Variants in TTC7B observed in about 807,000 individuals in gnomAD.
TTC7B encodes the protein tetratricopeptide repeat domain 7B.
Under a neutral mutation model 106.8 loss-of-function variants are expected in TTC7B, and 28 were observed. The ratio of observed to expected loss-of-function variants is 0.26; its 90% CI spans 0.19 to 0.36. The LOEUF is 0.36. Among genes scored for constraint, TTC7B ranks in the 10% least tolerant of loss-of-function variants. The probability of loss-of-function intolerance (pLI) is 1.00; values close to 1 mark genes in which losing one functional copy is unlikely to be tolerated. For synonymous variants in TTC7B, 405 were observed against 430.6 expected, an observed-to-expected ratio of 0.94 and a Z score of 0.74; for missense variants, 862 against 1,076.4, an observed-to-expected ratio of 0.80 and a Z score of 2.79.
intron 15 of TTC7B, among the ~76,000 whole-genome samples, chr14:90,625,617 G>A (rs1884405834): frequency 6.6e-6 from 1 of 152,218 alleles, no homozygotes; most frequent in South Asian, 2.1e-4. Context: ...TGGGATGACA[G>A]CTGTGCACGT....
At chr14:90,798,034 C>T (rs1382278339) in intron 1 of TTC7B, among the ~76,000 whole-genome samples, 1 of 152,168 alleles carries the variant, frequency 6.6e-6, no homozygotes, top group East Asian at 1.9e-4. Flanking sequence ...ACTGATGGAA[C>T]AGTGGAAATG....
At chr14:90,810,939 C>T (rs776207786) in intron 1 of TTC7B, among the ~76,000 whole-genome samples, 6 of 152,130 alleles carry the variant, frequency 3.9e-5, no homozygotes, top group East Asian at 3.9e-4. Flanking sequence ...CCAAAGTAGC[C>T]GAGGGAAGTC....
At chr14:90,708,467 T>C (rs1329289315) in intron 5 of TTC7B, among the ~76,000 whole-genome samples, 1 of 152,146 alleles carries the variant, frequency 6.6e-6, no homozygotes, top group East Asian at 1.9e-4. Context: ...CCTTAAGAAT[T>C]ATGCTAAATT....
chr14:90,676,022 C>T (rs1210777706), intron 9 of TTC7B: 1 of 152,450 alleles, frequency 6.6e-6, no homozygotes, highest in Non-Finnish European at 1.5e-5. Context: ...CAGTACCTTG[C>T]ACAAGATCTG....
intron 4 of TTC7B, among the ~76,000 whole-genome samples, chr14:90,731,141 G>A (rs1438700428): frequency 6.6e-6 from 1 of 151,670 alleles, no homozygotes; most frequent in Non-Finnish European, 1.5e-5. Flanking sequence ...TAGTAGAGAC[G>A]GGGGTTTCAC....
chr14:90,658,998 G>A (rs557707314), intron 9 of TTC7B, among the ~76,000 whole-genome samples: 3 of 152,272 alleles, frequency 2.0e-5, no homozygotes, highest in African/African-American at 4.8e-5. Flanking sequence ...GGGTGAGGTG[G>A]AAGACCCTGA....
At chr14:90,729,920 A>G (rs1204525463) in intron 5 of TTC7B, among the ~76,000 whole-genome samples, 155 bp downstream of exon 5, 3 of 138,704 alleles carry the variant, frequency 2.2e-5, no homozygotes, top group Non-Finnish European at 4.6e-5. Flanking sequence ...AGAGACAAAA[A>G]CAGCCAATGT....
intron 15 of TTC7B, among the ~76,000 whole-genome samples, chr14:90,630,767 A>T (rs185896970): frequency 5.6e-4 from 85 of 151,982 alleles, no homozygotes; most frequent in African/African-American, 2.0e-3. Context: ...GGCTTATTGC[A>T]CTTAGCATAA....
chr14:90,777,249 A>T (rs1268612744), intron 3 of TTC7B, among the ~76,000 whole-genome samples: 2 of 151,374 alleles, frequency 1.3e-5, no homozygotes, highest in African/African-American at 4.9e-5. Context: ...TTTTATTTTT[A>T]TTTTTTTTTA....
intron 3 of TTC7B, among the ~76,000 whole-genome samples, chr14:90,745,297 C>CAAAAAA (rs71461925): frequency 2.8e-5 from 3 of 108,750 alleles, no homozygotes; most frequent in Non-Finnish European, 3.9e-5. Flanking sequence ...CCCTGTCTCC[C>CAAAAAA]AAAAAAAAAA....
chr14:90,799,496 T>C (rs80172063), intron 1 of TTC7B, among the ~76,000 whole-genome samples: 2,540 of 152,264 alleles, frequency 0.017, 29 homozygotes, highest in African/African-American at 0.03. Flanking sequence ...CTGGGGCTAC[T>C]GTGGACTAGG....
rs182964578 is a variant in TTC7B at position 90,676,456 on chromosome 14, G to A, written c.1152+67C>T. On this transcript the variant is annotated intron_variant, in intron 9 of 19. Transcript: ENST00000328459. ...GGGGCCCAGGACCAGGTCTCACAGCGCTTCCCTGGGGTCACCGTGCAACTG... is the reference window on the plus strand; with the variant it reads ...GGGGCCCAGGACCAGGTCTCACAGCACTTCCCTGGGGTCACCGTGCAACTG... The A allele has an allele frequency of 9.7e-4, 1,521 of 1,562,030 alleles. 8 individuals are homozygous for A. Among genetic ancestry groups the A allele is most frequent in the Admixed American group, 2.9e-3 (169 of 57,366 alleles).
chr14:90,531,148 G>A lies in TTC7B; in HGVS notation c.*10220C>T, dbSNP rs1207025991. ...TAACTTAAAAAAGAAAGAAAAAATT[G>A]TATGCTGTTTTAAGCCACTATATTT... is the stretch of plus-strand genomic sequence containing the variant. On this transcript the variant is annotated 3_prime_UTR_variant, in exon 20 of 20. Transcript: ENST00000328459. 6.6e-6 allele frequency: 1 copy of A among 152,184 alleles called. No homozygotes were observed. The highest frequency in any genetic ancestry group is 1.5e-5 in the Non-Finnish European group (1 of 68,032). The allele number at this position is 152,184 out of a possible 1,614,324, so 9.4% of individuals were successfully genotyped here.
intron 3 of TTC7B, among the ~76,000 whole-genome samples, chr14:90,775,623 T>C (rs950445499): frequency 3.3e-5 from 5 of 152,120 alleles, no homozygotes; most frequent in African/African-American, 1.2e-4. Flanking sequence ...CTCCTCCACC[T>C]GGGCACAGAG....
intron 19 of TTC7B, among the ~76,000 whole-genome samples, chr14:90,547,950 A>T (rs892302549): frequency 6.6e-6 from 1 of 152,228 alleles, no homozygotes; most frequent in African/African-American, 2.4e-5. Context: ...CTTCCCAAGG[A>T]GAAGCCATTG....
intron 5 of TTC7B, among the ~76,000 whole-genome samples, chr14:90,717,623 C>T (rs946046112): frequency 6.6e-6 from 1 of 152,140 alleles, no homozygotes; most frequent in Non-Finnish European, 1.5e-5. Flanking sequence ...CTGCAATTTT[C>T]TCTAACAGTT....
At chr14:90,788,683 G>T (rs1891473379) in intron 1 of TTC7B, among the ~76,000 whole-genome samples, 1 of 151,998 alleles carries the variant, frequency 6.6e-6, no homozygotes. Flanking sequence ...AATTCCTTTA[G>T]GCAGGGCGCA....
At chr14:90,715,444 C>G (rs1349520514) in intron 5 of TTC7B, among the ~76,000 whole-genome samples, 1 of 148,446 alleles carries the variant, frequency 6.7e-6, no homozygotes. Context: ...GAGCTGGAAA[C>G]CCTCTACTCT....
intron 19 of TTC7B, among the ~76,000 whole-genome samples, chr14:90,557,948 C>T (rs559807233): frequency 2.0e-4 from 31 of 152,364 alleles, no homozygotes; most frequent in South Asian, 2.1e-4. Context: ...GACAGGCGCT[C>T]ATCGCTGCAT....
Sources: allele counts gnomAD v4.1 joint callset (sites outside exome capture counted in the v4.1 genomes callset), GRCh38; gene constraint gnomAD v4.1.1; transcripts MANE v1.5; gene names NCBI Gene and HGNC (gene_info 2026-07-23, HGNC 2026-07-21).